EDEM3: variants seen among roughly 807,000 people sequenced by gnomAD.
EDEM3 encodes ER degradation-enhancing alpha-mannosidase-like protein 3.
Under a neutral mutation model 110.2 loss-of-function variants are expected in EDEM3, and 60 were observed. The observed-to-expected ratio is 0.54, with a 90% CI of 0.44 to 0.67. The LOEUF (loss-of-function observed/expected upper bound fraction) is 0.67. Ranked by LOEUF, EDEM3 falls within the 30% of genes least tolerant of loss-of-function variation. The pLI, the probability that EDEM3 is intolerant of heterozygous loss-of-function variation, is 0.00. For missense variants in EDEM3, 996 were observed against 1,121.0 expected (o/e 0.89, Z 1.59); for synonymous variants, 352 against 382.9 (o/e 0.92, Z 0.94).
chr1:184,748,611 T>C (rs375110491), intron 2 of EDEM3, among the ~76,000 whole-genome samples: 1 of 152,050 alleles, frequency 6.6e-6, no homozygotes, highest in South Asian at 2.1e-4. Flanking sequence ...AAATTTACAA[T>C]ATAAAAGAGA....
At chr1:184,750,610 T>A (rs932093281) in intron 1 of EDEM3, among the ~76,000 whole-genome samples, 1 of 151,432 alleles carries the variant, frequency 6.6e-6, no homozygotes, top group African/African-American at 2.4e-5. Context: ...CCTCCCAGGT[T>A]CAAGCGATTC....
At chr1:184,748,325 T>C (rs1652550220) in intron 2 of EDEM3, among the ~76,000 whole-genome samples, 1 of 151,920 alleles carries the variant, frequency 6.6e-6, no homozygotes, top group Non-Finnish European at 1.5e-5. Flanking sequence ...CACACACCTG[T>C]AATCCCAGCT....
rs941020090 is a variant in EDEM3, at chr1:184,721,275, T to C, written c.951+14A>G. ...ATGAAGTTGATTATAAAATATAAAATTGTATCAACTTACTGTGTTAAATCT... is the reference window on the plus strand; with the variant it reads ...ATGAAGTTGATTATAAAATATAAAACTGTATCAACTTACTGTGTTAAATCT... On this transcript the variant is annotated intron_variant, in intron 9 of 19. Transcript: ENST00000318130. The C allele has an allele frequency of 1.3e-6, 2 of 1,578,412 alleles. No homozygotes were observed. Among genetic ancestry groups the C allele is most frequent in the Admixed American group, 1.8e-5 (1 of 54,144 alleles).
intron 6 of EDEM3, among the ~76,000 whole-genome samples, chr1:184,729,156 T>C (rs1408060283): frequency 6.6e-6 from 1 of 152,144 alleles, no homozygotes; most frequent in Non-Finnish European, 1.5e-5. Context: ...TGTCCTGCTT[T>C]CTTGAGAGGT....
Position 184,719,384 on chromosome 1 carries a change from A to T in EDEM3, c.1077+59T>A, listed in dbSNP as rs562840337. ...TGTAGTTCAGTTTTAAAGATCAAAA[A>T]TGCGCCTAATTAACATCATCATCTT... On this transcript the variant is annotated intron_variant, in intron 10 of 19. Coordinates refer to ENST00000318130, the MANE Select transcript of EDEM3 (RefSeq NM_025191.4). 13 of 1,577,482 alleles carry T rather than the reference A, an allele frequency of 8.2e-6. No individual in the cohort carries two copies. The African/African-American group carries it at 1.8e-4, about 21-fold the overall frequency.
chr1:184,705,754 AC>A lies in EDEM3; in HGVS notation c.2203+888del, dbSNP rs146111374. 6.1e-3 allele frequency among the ~76,000 whole-genome samples: 936 copies of A among 152,298 alleles called. 10 individuals are homozygous for A. The highest frequency in any genetic ancestry group is 0.027 in the Middle Eastern group (8 of 294). Reference sequence around the variant, plus strand: ...TGAGAGAAGCTGTACAAAAGAACTCACAATCAGCATATTGTGAGCCCAGGTC... The same window carrying A: ...TGAGAGAAGCTGTACAAAAGAACTCAAATCAGCATATTGTGAGCCCAGGTC... On this transcript the variant is annotated intron_variant, in intron 18 of 19. Coordinates refer to ENST00000318130, the MANE Select transcript of EDEM3 (RefSeq NM_025191.4).
chr1:184,744,962 G>A (rs894505769), intron 2 of EDEM3, among the ~76,000 whole-genome samples: 10 of 152,064 alleles, frequency 6.6e-5, no homozygotes, highest in Non-Finnish European at 8.8e-5. Flanking sequence ...GTTGCTAGGC[G>A]TCAGAGGTGG....
At position 184,705,919 on chromosome 1, in the gene EDEM3, C is replaced by T. The variant is rs571201809; in HGVS notation, c.2203+724G>A. Among the ~76,000 whole-genome samples, 5 of 152,190 alleles carry T rather than the reference C, an allele frequency of 3.3e-5. No homozygotes were observed. The South Asian group carries it at 8.3e-4, about 25-fold the overall frequency. On this transcript the variant is annotated intron_variant, in intron 18 of 19. Coordinates refer to ENST00000318130, the MANE Select transcript of EDEM3 (RefSeq NM_025191.4). ...AAAAAGCAAAACCCACTAGTTGATA[C>T]ATATAGGTAAGATGATTTAAAGGTG...
At chr1:184,743,333 G>A (rs1652247113) in intron 2 of EDEM3, among the ~76,000 whole-genome samples, 1 of 152,068 alleles carries the variant, frequency 6.6e-6, no homozygotes, top group South Asian at 2.1e-4. Flanking sequence ...TCTCTTCACA[G>A]TTTATTGTTG....
chr1:184,749,860 C>G (rs1336273877), intron 1 of EDEM3, among the ~76,000 whole-genome samples: 4 of 152,078 alleles, frequency 2.6e-5, no homozygotes, highest in Non-Finnish European at 5.9e-5. Flanking sequence ...CCTAAGAAAA[C>G]TGATGAATGA....
intron 2 of EDEM3, among the ~76,000 whole-genome samples, chr1:184,737,947 C>A (rs1651927339): frequency 1.3e-5 from 2 of 152,128 alleles, no homozygotes; most frequent in Non-Finnish European, 1.5e-5. Flanking sequence ...CCCCTCCCCT[C>A]CCCAATCTCA....
At position 184,747,625 on chromosome 1, in the gene EDEM3, T is replaced by C. The variant is rs1652503961; in HGVS notation, c.204+1922A>G. 2.0e-5 allele frequency among the ~76,000 whole-genome samples: 3 copies of C among 152,334 alleles called. No homozygotes were observed. The South Asian group carries it at 6.2e-4, about 32-fold the overall frequency. On this transcript the variant is annotated intron_variant, in intron 2 of 19. Coordinates refer to ENST00000318130, the MANE Select transcript of EDEM3 (RefSeq NM_025191.4). ...CACGTATGGTCCCACTGGAAATATA[T>C]AAGACAATGTTACTTTCAAGAGTTC...
chr1:184,749,103 T>C (rs2102137728), intron 2 of EDEM3, among the ~76,000 whole-genome samples: 1 of 152,284 alleles, frequency 6.6e-6, no homozygotes, highest in South Asian at 2.1e-4. Flanking sequence ...AAGCAAAATA[T>C]ATTCAGTGCA....
At chr1:184,720,032 C>T (rs529466651) in intron 9 of EDEM3, among the ~76,000 whole-genome samples, 4 of 152,306 alleles carry the variant, frequency 2.6e-5, no homozygotes, top group African/African-American at 9.6e-5. Context: ...ATCACTGCTG[C>T]CACTCTTATG....
At position 184,749,590 on chromosome 1, in the gene EDEM3, T is replaced by C; in HGVS notation, c.161A>G (p.Asn54Ser). The C allele has an allele frequency of 6.4e-7, 1 of 1,558,972 alleles. No homozygotes were observed. Among genetic ancestry groups the C allele is most frequent in the Non-Finnish European group, 8.7e-7 (1 of 1,152,850 alleles). Residue 54 changes from asparagine to serine, a missense_variant and splice_region_variant, in exon 2 of 20, where the codon AAT becomes AGT. By Grantham distance (46) the Asn-to-Ser change is conservative. Transcript: ENST00000318130. ...ATGATCAAACATTTCCAGTACTTGA[T>C]TCCTAATTTTAAAAGAGCAGAAATG... The part of the protein sequence containing the change: ...MSREEKQKLG[N>S]QVLEMFDHAY...
intron 1 of EDEM3, 111 bp downstream of exon 1, chr1:184,754,378 C>G: frequency 6.6e-7 from 1 of 1,510,420 alleles, no homozygotes; most frequent in Non-Finnish European, 8.9e-7. Context: ...GCGGGAAGAG[C>G]CGTTCCAATC....
chr1:184,719,614 G>T (rs1289742556), intron 9 of EDEM3, 46 bp from the exon 10 acceptor site: 4 of 1,604,358 alleles, frequency 2.5e-6, no homozygotes. Context: ...TGAAAAAAGA[G>T]GTACTACTCT....
chr1:184,734,056 A>G (rs1394386286), intron 5 of EDEM3, among the ~76,000 whole-genome samples: 2 of 152,242 alleles, frequency 1.3e-5, no homozygotes, highest in Non-Finnish European at 2.9e-5. Flanking sequence ...GTGATTAAAT[A>G]CAAGGTAATG....
chr1:184,711,655 C>T, intron 15 of EDEM3, 68 bp downstream of exon 15: 1 of 1,420,902 alleles, frequency 7.0e-7, no homozygotes, highest in Non-Finnish European at 9.4e-7. Context: ...GATACATGCT[C>T]CCTAAGTTCT....
Sources: allele counts gnomAD v4.1 joint callset (sites outside exome capture counted in the v4.1 genomes callset), GRCh38; gene constraint gnomAD v4.1.1; transcripts MANE v1.5; gene names NCBI Gene and HGNC (gene_info 2026-07-23, HGNC 2026-07-21).